RBFOX1: variants seen among roughly 807,000 people sequenced by gnomAD.
RBFOX1 encodes RNA binding protein fox-1 homolog 1.
A neutral mutation model predicts 57.7 loss-of-function variants in RBFOX1; 8 were observed. The ratio of observed to expected loss-of-function variants is 0.14; its 90% CI spans 0.08 to 0.25. RBFOX1 has a LOEUF of 0.25. RBFOX1 is among the 10% of genes least tolerant of loss of function. The probability of loss-of-function intolerance (pLI) is 1.00; values close to 1 mark genes in which losing one functional copy is unlikely to be tolerated. For synonymous variants in RBFOX1, 326 were observed against 222.4 expected (o/e 1.47, Z -4.15); for missense variants, 611 against 548.5 (o/e 1.11, Z -1.14).
chr16:7,077,946 C>G (rs746092658), intron 4 of RBFOX1, among the ~76,000 whole-genome samples: 2 of 152,148 alleles, frequency 1.3e-5, no homozygotes, highest in African/African-American at 2.4e-5. Flanking sequence ...TTAGGCCAAA[C>G]AGAGAGAAAG....
chr16:6,412,530 A>C (rs2093492308), intron 2 of RBFOX1, among the ~76,000 whole-genome samples: 1 of 152,236 alleles, frequency 6.6e-6, no homozygotes, highest in African/African-American at 2.4e-5. Context: ...GAGTTATCAA[A>C]TGGAAACTCT....
At chr16:6,489,832 C>T (rs988691008) in intron 2 of RBFOX1, among the ~76,000 whole-genome samples, 1 of 152,170 alleles carries the variant, frequency 6.6e-6, no homozygotes, top group Non-Finnish European at 1.5e-5. Flanking sequence ...GCAAAAAAGC[C>T]ACCAAAGGGA....
chr16:6,923,910 C>T (rs972996027), intron 3 of RBFOX1, among the ~76,000 whole-genome samples: 15 of 152,060 alleles, frequency 9.9e-5, no homozygotes, highest in Non-Finnish European at 2.1e-4. Context: ...GTGGCTGACA[C>T]CTGTAATCCC....
intron 1 of RBFOX1, among the ~76,000 whole-genome samples, chr16:6,026,245 G>A (rs1379129372): frequency 6.6e-6 from 1 of 152,172 alleles, no homozygotes; most frequent in African/African-American, 2.4e-5. Context: ...CACCTGTTTG[G>A]ACATCACTGT....
Position 5,415,961 on chromosome 16 carries a change from A to G in RBFOX1, c.220-51255A>G, listed in dbSNP as rs192131291. Reference sequence around the variant, plus strand: ...CTGCATGTGTGTGGACTCAGAGACCAATGTGGTGGAGCTGAGAGCTGTAAC... The same window carrying G: ...CTGCATGTGTGTGGACTCAGAGACCGATGTGGTGGAGCTGAGAGCTGTAAC... On this transcript the variant is annotated intron_variant, in intron 1 of 2. Coordinates refer to the RBFOX1 transcript ENST00000585867. Among the ~76,000 whole-genome samples the G allele has an allele frequency of 1.5e-3, 229 of 152,298 alleles. 3 individuals carry two copies. The highest frequency in any genetic ancestry group is 2.8e-3 in the Admixed American group (43 of 15,300).
At chr16:7,187,873 TG>T (rs979189099) in intron 4 of RBFOX1, among the ~76,000 whole-genome samples, 80 of 152,222 alleles carry the variant, frequency 5.3e-4, no homozygotes, top group African/African-American at 1.8e-3. Context: ...GCGGTCATAT[TG>T]GAAAATGTTC....
chr16:6,706,242 G>A (rs774504400), intron 3 of RBFOX1, among the ~76,000 whole-genome samples: 3 of 152,028 alleles, frequency 2.0e-5, no homozygotes, highest in Admixed American at 6.6e-5. Context: ...TTTCCTGGTC[G>A]CCCATGTCCC....
Position 6,533,342 on chromosome 16 carries a change from A to G in RBFOX1, c.-63-121261A>G, listed in dbSNP as rs2096686731. 2.0e-5 allele frequency among the ~76,000 whole-genome samples: 3 copies of G among 152,196 alleles called. No individual in the cohort carries two copies. In the South Asian group the frequency reaches 6.2e-4, roughly 31 times the overall value. ...GGAAAATTTGAGAACCTGGCTCAGA[A>G]AATAGACAAAAGGGATGAAGGTACC... On this transcript the variant is annotated intron_variant, in intron 2 of 15. Coordinates refer to ENST00000550418, the MANE Select transcript of RBFOX1 (RefSeq NM_018723.4).
chr16:6,082,072 C>G (rs2096009553), intron 1 of RBFOX1, among the ~76,000 whole-genome samples: 1 of 151,272 alleles, frequency 6.6e-6, no homozygotes, highest in African/African-American at 2.4e-5. Flanking sequence ...GTGTCTGTGT[C>G]TGTATAATGA....
chr16:7,219,101 C>G (rs1381914308), intron 4 of RBFOX1, among the ~76,000 whole-genome samples: 1 of 152,204 alleles, frequency 6.6e-6, no homozygotes, highest in Non-Finnish European at 1.5e-5. Flanking sequence ...TTATCCCCGT[C>G]ATTGCAGGCA....
chr16:5,568,267 C>T (rs1416046642), intron 2 of RBFOX1, among the ~76,000 whole-genome samples: 1 of 152,164 alleles, frequency 6.6e-6, no homozygotes, highest in African/African-American at 2.4e-5. Context: ...GGCACAGTCC[C>T]ACCTCCTTGC....
chr16:6,659,711 C>G (rs912003325), intron 3 of RBFOX1, among the ~76,000 whole-genome samples: 9 of 152,150 alleles, frequency 5.9e-5, no homozygotes, highest in African/African-American at 2.2e-4. Flanking sequence ...CACATTGCAG[C>G]TCTAGCTGGT....
intron 1 of RBFOX1, among the ~76,000 whole-genome samples, chr16:5,331,132 G>C (rs372052298): frequency 1.2e-4 from 18 of 152,168 alleles, no homozygotes; most frequent in East Asian, 9.7e-4. Context: ...GAGCATTTTT[G>C]GTCCGCTGTA....
intron 3 of RBFOX1, among the ~76,000 whole-genome samples, chr16:7,032,406 C>T (rs772067887): frequency 1.2e-4 from 18 of 152,080 alleles, no homozygotes; most frequent in Non-Finnish European, 2.5e-4. Flanking sequence ...GATCCCAGTG[C>T]ACTCCAATCT....
At chr16:6,021,280 C>A (rs368896557) in intron 1 of RBFOX1, among the ~76,000 whole-genome samples, 1 of 152,160 alleles carries the variant, frequency 6.6e-6, no homozygotes, top group South Asian at 2.1e-4. Flanking sequence ...CATGCCCCAG[C>A]CTGCCATCCC....
At chr16:7,445,387 C>G (rs1009806137) in intron 4 of RBFOX1, among the ~76,000 whole-genome samples, 2 of 152,126 alleles carry the variant, frequency 1.3e-5, no homozygotes, top group Non-Finnish European at 2.9e-5. Context: ...CCCTTATGCA[C>G]CAGCTCCATT....
At chr16:7,384,629 C>T (rs2097847393) in intron 4 of RBFOX1, among the ~76,000 whole-genome samples, 1 of 152,054 alleles carries the variant, frequency 6.6e-6, no homozygotes, top group East Asian at 1.9e-4. Flanking sequence ...CTTTGCAGGC[C>T]ATGCCAACTT....
chr16:7,028,621 A>C (rs1384446848), intron 3 of RBFOX1, among the ~76,000 whole-genome samples: 18 of 150,724 alleles, frequency 1.2e-4, no homozygotes, highest in African/African-American at 4.4e-4. Flanking sequence ...AAAAAAAAAA[A>C]AAAAAAAAAA....
chr16:7,055,790 C>G (rs2051991687), intron 4 of RBFOX1, among the ~76,000 whole-genome samples: 1 of 152,116 alleles, frequency 6.6e-6, no homozygotes, highest in Non-Finnish European at 1.5e-5. Context: ...AGTGTTGTTA[C>G]CCAATGGAGT....
Sources: allele counts gnomAD v4.1 joint callset (sites outside exome capture counted in the v4.1 genomes callset), GRCh38; gene constraint gnomAD v4.1.1; transcripts MANE v1.5; gene names NCBI Gene and HGNC (gene_info 2026-07-23, HGNC 2026-07-21).